GPHN: variants seen among roughly 807,000 people sequenced by gnomAD.
GPHN encodes gephyrin.
In GPHN, 17 loss-of-function variants were observed where a neutral mutation model predicts 95.5. That is an observed-to-expected ratio of 0.18 (90% CI 0.12 to 0.27). GPHN has a LOEUF of 0.27. Ranked by LOEUF, GPHN falls within the 10% of genes least tolerant of loss-of-function variation. The pLI, the probability that GPHN is intolerant of heterozygous loss-of-function variation, is 1.00. For missense variants in GPHN, 660 were observed against 978.1 expected, an observed-to-expected ratio of 0.67 and a Z score of 4.34; for synonymous variants, 320 against 322.5, an observed-to-expected ratio of 0.99 and a Z score of 0.08.
At chr14:67,482,628 C>T in the GPHN span, among the ~76,000 whole-genome samples, 7 of 152,338 alleles carry the variant, frequency 4.6e-5, no homozygotes, top group East Asian at 5.8e-4. Flanking sequence ...AGCCCTTGGG[C>T]GGCTCTGTGC....
rs1046096894 is a variant in GPHN at position 66,519,511 on chromosome 14, A to G, written c.64+10920A>G. On this transcript the variant is annotated intron_variant, in intron 1 of 22. Coordinates refer to ENST00000478722, the MANE Select transcript of GPHN (RefSeq NM_020806.5). ...AAAAAAGATATTTCATATAAAATCC[A>G]TATTTTTTTTGCTTCTTAAGATTCA... 1.5e-4 allele frequency among the ~76,000 whole-genome samples: 23 copies of G among 152,090 alleles called. 1 individual carries two copies. The highest frequency in any genetic ancestry group is 8.8e-5 in the Non-Finnish European group (6 of 67,956).
At chr14:67,516,841 G>A in the GPHN span, among the ~76,000 whole-genome samples, 1 of 152,310 alleles carries the variant, frequency 6.6e-6, no homozygotes, top group East Asian at 1.9e-4. Context: ...AGGGAGTCAT[G>A]TTGGGTTCCT....
chr14:67,260,663 T>G, the GPHN span, among the ~76,000 whole-genome samples: 1 of 152,162 alleles, frequency 6.6e-6, no homozygotes, highest in Non-Finnish European at 1.5e-5. Context: ...GATTTTTTCT[T>G]GGTATAAGAA....
the GPHN span, among the ~76,000 whole-genome samples, chr14:67,604,738 TATC>T: frequency 6.6e-6 from 1 of 152,214 alleles, no homozygotes; most frequent in Non-Finnish European, 1.5e-5. Flanking sequence ...AAACTTTGCC[TATC>T]TTTTTTTTCC....
At chr14:66,655,713 T>G (rs1449672217) in intron 1 of GPHN, among the ~76,000 whole-genome samples, 1 of 152,054 alleles carries the variant, frequency 6.6e-6, no homozygotes, top group African/African-American at 2.4e-5. Flanking sequence ...TTTTTATCAT[T>G]AAGAATGATG....
the GPHN span, chr14:67,363,913 C>CT: frequency 6.6e-6 from 1 of 152,146 alleles, no homozygotes; most frequent in South Asian, 2.1e-4. Flanking sequence ...TGAGAGCTTC[C>CT]TTTTTTAAAT....
the GPHN span, chr14:67,585,724 G>A: frequency 4.0e-6 from 5 of 1,242,318 alleles, no homozygotes; most frequent in Admixed American, 2.1e-5. Flanking sequence ...CTCCTCTGTG[G>A]ACTCAAAAGC....
the GPHN span, among the ~76,000 whole-genome samples, chr14:67,719,812 T>A: frequency 6.6e-6 from 1 of 152,232 alleles, no homozygotes; most frequent in Non-Finnish European, 1.5e-5. Flanking sequence ...GTTTTTTATT[T>A]ATTCTGTTTC....
intron 18 of GPHN, among the ~76,000 whole-genome samples, chr14:67,144,270 T>A (rs1385716387): frequency 2.6e-5 from 3 of 114,142 alleles, no homozygotes; most frequent in African/African-American, 7.3e-5. Flanking sequence ...TATATATATA[T>A]ATATATATAT....
chr14:66,929,617 A>AT (rs951688602), intron 8 of GPHN, among the ~76,000 whole-genome samples: 4 of 150,718 alleles, frequency 2.7e-5, no homozygotes, highest in African/African-American at 9.7e-5. Flanking sequence ...ATTTTTTCTG[A>AT]TCTAAGTATA....
chr14:66,912,935 GCA>G (rs1405104035), intron 5 of GPHN, among the ~76,000 whole-genome samples: 1 of 152,146 alleles, frequency 6.6e-6, no homozygotes, highest in East Asian at 1.9e-4. Context: ...CAAAACTCAA[GCA>G]CAGTTTATCA....
At chr14:66,858,991 T>C (rs1430104283) in intron 4 of GPHN, among the ~76,000 whole-genome samples, 1 of 151,976 alleles carries the variant, frequency 6.6e-6, no homozygotes, top group Admixed American at 6.6e-5. Context: ...TTCAGTAAAA[T>C]AGAACACCAG....
chr14:66,921,203 A>G (rs991428005), intron 6 of GPHN, among the ~76,000 whole-genome samples: 2 of 152,188 alleles, frequency 1.3e-5, no homozygotes, highest in African/African-American at 4.8e-5. Context: ...ACTAGTTTAC[A>G]TTCCCACCAG....
At chr14:67,624,655 C>T in the GPHN span, among the ~76,000 whole-genome samples, 239 of 152,248 alleles carry the variant, frequency 1.6e-3, no homozygotes, top group African/African-American at 5.7e-3. Context: ...CCCCATGATC[C>T]AATCACCTCC....
At chr14:66,682,354 A>T (rs933511758) in intron 2 of GPHN, among the ~76,000 whole-genome samples, 88 of 152,240 alleles carry the variant, frequency 5.8e-4, no homozygotes, top group African/African-American at 2.1e-3. Flanking sequence ...ATGTAAATAT[A>T]CCTAGTGAAT....
At chr14:67,158,534 A>G (rs117353566) in intron 18 of GPHN, among the ~76,000 whole-genome samples, 1,832 of 152,292 alleles carry the variant, frequency 0.012, 19 homozygotes, top group Non-Finnish European at 0.018. Context: ...TACAAATAAA[A>G]GTACCTAATA....
intron 4 of GPHN, among the ~76,000 whole-genome samples, chr14:66,826,690 G>T (rs1000085496): frequency 6.6e-6 from 1 of 152,126 alleles, no homozygotes; most frequent in Admixed American, 6.6e-5. Context: ...TACAATTTAG[G>T]AATAGCCAAA....
intron 2 of GPHN, among the ~76,000 whole-genome samples, chr14:66,711,594 T>C (rs2153422361): frequency 6.6e-6 from 1 of 151,772 alleles, no homozygotes; most frequent in African/African-American, 2.4e-5. Context: ...GTTCTTTTTT[T>C]TTTTTTTTTT....
At chr14:67,331,921 C>T in the GPHN span, among the ~76,000 whole-genome samples, 795 of 150,866 alleles carry the variant, frequency 5.3e-3, 8 homozygotes, top group African/African-American at 0.018. Flanking sequence ...TTCAGATGTA[C>T]AACATTCCAG....
Sources: gnomAD v4.1 joint callset for allele counts (sites outside exome capture counted in the v4.1 genomes callset) on GRCh38, gnomAD v4.1.1 for gene constraint, MANE v1.5 for transcripts, NCBI Gene and HGNC (gene_info 2026-07-23, HGNC 2026-07-21) for gene names.